DIS3L2: variants seen among roughly 807,000 people sequenced by gnomAD.
The protein encoded by DIS3L2 is DIS3 like 3'-5' exoribonuclease 2, also known as DIS3-like exonuclease 2.
In DIS3L2, 34 loss-of-function variants were observed where a neutral mutation model predicts 97.5. The observed-to-expected ratio is 0.35, with a 90% CI of 0.27 to 0.46. The LOEUF (loss-of-function observed/expected upper bound fraction) is 0.46. Among genes scored for constraint, DIS3L2 ranks in the 20% least tolerant of loss-of-function variants. The pLI is 1.00. For synonymous variants in DIS3L2, 435 were observed against 445.2 expected, an observed-to-expected ratio of 0.98 and a Z score of 0.29; for missense variants, 1,038 against 1,146.0, an observed-to-expected ratio of 0.91 and a Z score of 1.36.
At chr2:232,026,998 A>G (rs1694677512) in intron 4 of DIS3L2, among the ~76,000 whole-genome samples, 1 of 152,194 alleles carries the variant, frequency 6.6e-6, no homozygotes, top group Non-Finnish European at 1.5e-5. Context: ...AGAATAGATC[A>G]TAAGAGCTAC....
chr2:231,968,161 G>T lies in DIS3L2; in HGVS notation c.-94+6396G>T, dbSNP rs192358404. On this transcript the variant is annotated intron_variant, in intron 1 of 20. Coordinates refer to ENST00000325385, the MANE Select transcript of DIS3L2 (RefSeq NM_152383.5). ...CACCCAGGCTGGAGTGCAGTGGCAT[G>T]ATCTTGGCTCACTGCAAGCTTCGCC... is the stretch of plus-strand genomic sequence containing the variant. Among the ~76,000 whole-genome samples the T allele has an allele frequency of 6.0e-4, 90 of 149,090 alleles. 1 individual carries two copies. The highest frequency in any genetic ancestry group is 2.1e-3 in the African/African-American group (86 of 40,324).
At chr2:232,233,882 A>G (rs1044235265) in intron 10 of DIS3L2, among the ~76,000 whole-genome samples, 9 of 152,250 alleles carry the variant, frequency 5.9e-5, no homozygotes, top group South Asian at 2.1e-4. Flanking sequence ...TGGTTGTTCT[A>G]TAATCAGGCC....
chr2:232,270,010 G>C (rs1175497030), intron 13 of DIS3L2, among the ~76,000 whole-genome samples: 1 of 152,156 alleles, frequency 6.6e-6, no homozygotes, highest in Non-Finnish European at 1.5e-5. Flanking sequence ...AAATCGACAA[G>C]CCTGTAGCAA....
At chr2:232,251,794 A>T (rs1574972800) in intron 12 of DIS3L2, among the ~76,000 whole-genome samples, 1 of 152,358 alleles carries the variant, frequency 6.6e-6, no homozygotes, top group East Asian at 1.9e-4. Context: ...AAGAACTGTG[A>T]TCTCCATGCC....
chr2:232,222,214 A>T (rs1476587007), intron 10 of DIS3L2, among the ~76,000 whole-genome samples: 13 of 152,172 alleles, frequency 8.5e-5, no homozygotes, highest in African/African-American at 2.4e-5. Context: ...AAGTGCTGGG[A>T]TTACAGGCGT....
chr2:232,079,904 G>A (rs979087792), intron 5 of DIS3L2, among the ~76,000 whole-genome samples: 5 of 152,184 alleles, frequency 3.3e-5, no homozygotes, highest in African/African-American at 1.2e-4. Flanking sequence ...AGAAACTGTA[G>A]AACATGAGGA....
chr2:232,123,199 C>G (rs1697960899), intron 6 of DIS3L2, among the ~76,000 whole-genome samples: 1 of 152,088 alleles, frequency 6.6e-6, no homozygotes, highest in Non-Finnish European at 1.5e-5. Context: ...TTCTGATGCC[C>G]CTCTACTAAC....
At position 232,045,702 on chromosome 2, in the gene DIS3L2, T is replaced by C. The variant is rs1206846025; in HGVS notation, c.366+15622T>C. On this transcript the variant is annotated intron_variant, in intron 5 of 20. Transcript: ENST00000325385. Reference sequence around the variant, plus strand: ...TTTTTTTTTTTTTTTTGAGATAGAGTCTCGCTCTGTTGCCCAGGCTGGAGT... The same window carrying C: ...TTTTTTTTTTTTTTTTGAGATAGAGCCTCGCTCTGTTGCCCAGGCTGGAGT... Among the ~76,000 whole-genome samples, 8 of 125,634 alleles carry C rather than the reference T, an allele frequency of 6.4e-5. No individual in the cohort carries two copies. In the Admixed American group the frequency reaches 7.1e-4, roughly 11 times the overall value. The allele number at this position is 125,634 out of a possible 152,430, so 82.4% of individuals were successfully genotyped here. A position where few individuals can be genotyped will look rare whatever the true frequency, so the allele number is the denominator to read the frequency against.
intron 13 of DIS3L2, among the ~76,000 whole-genome samples, chr2:232,298,837 G>T (rs1694785818): frequency 1.3e-5 from 2 of 152,230 alleles, no homozygotes; most frequent in Non-Finnish European, 2.9e-5. Context: ...CTCTAGCAGG[G>T]CATGCTGCAC....
chr2:231,981,598 T>TTATTTATATA (rs1553596977), intron 1 of DIS3L2, among the ~76,000 whole-genome samples: 1 of 84,056 alleles, frequency 1.2e-5, no homozygotes, highest in East Asian at 4.7e-4. Flanking sequence ...GTTAAGTATT[T>TTATTTATATA]TATATATATA....
At chr2:232,225,132 ATACTGC>A (rs1459275373) in intron 10 of DIS3L2, among the ~76,000 whole-genome samples, 2 of 152,210 alleles carry the variant, frequency 1.3e-5, no homozygotes, top group Non-Finnish European at 2.9e-5. Context: ...CAACTCTCAT[ATACTGC>A]TAGTAGGAGT....
rs114804860 is a variant in DIS3L2 at position 232,029,964 on chromosome 2, C to A, written c.265-15C>A. 2.0e-3 allele frequency: 3,212 copies of A among 1,569,062 alleles called. 46 individuals are homozygous for A. In the African/African-American group the frequency reaches 0.036, roughly 17 times the overall value. ...TTTTAAGCTCACTATTGTTTTATTT[C>A]TTTTTCCAACCTAGGATGGTGATCG... On this transcript the variant is annotated splice_polypyrimidine_tract_variant and intron_variant, in intron 4 of 20. Transcript: ENST00000325385.
At chr2:232,123,409 A>G (rs375950940) in intron 6 of DIS3L2, among the ~76,000 whole-genome samples, 1 of 152,246 alleles carries the variant, frequency 6.6e-6, no homozygotes, top group Non-Finnish European at 1.5e-5. Context: ...TTAATGAGAT[A>G]GTACCTTATC....
intron 1 of DIS3L2, among the ~76,000 whole-genome samples, chr2:231,975,851 T>C (rs945754001): frequency 6.6e-6 from 1 of 152,120 alleles, no homozygotes; most frequent in African/African-American, 2.4e-5. Context: ...GTAATGCTTT[T>C]CTGGAATACA....
intron 10 of DIS3L2, among the ~76,000 whole-genome samples, chr2:232,220,940 T>TA (rs1692487065): frequency 6.6e-6 from 1 of 151,058 alleles, no homozygotes; most frequent in African/African-American, 2.4e-5. Context: ...CCGTCTCTAC[T>TA]AAAAAATACA....
At chr2:232,072,266 GA>G (rs976884538) in intron 5 of DIS3L2, among the ~76,000 whole-genome samples, 67 of 151,628 alleles carry the variant, frequency 4.4e-4, no homozygotes, top group African/African-American at 1.5e-3. Context: ...GTGCTGAAGA[GA>G]AAAAAAATAA....
At chr2:232,296,290 G>T (rs1322331536) in intron 13 of DIS3L2, among the ~76,000 whole-genome samples, 1 of 152,192 alleles carries the variant, frequency 6.6e-6, no homozygotes, top group Non-Finnish European at 1.5e-5. Context: ...AAAGGAGCAT[G>T]GATTTTGGTT....
intron 14 of DIS3L2, among the ~76,000 whole-genome samples, chr2:232,310,674 C>A (rs1695101163): frequency 6.6e-6 from 1 of 152,250 alleles, no homozygotes; most frequent in Admixed American, 6.5e-5. Context: ...CTGATAGGTG[C>A]CCTGTGCAAG....
chr2:232,239,693 C>T (rs1020629087), intron 11 of DIS3L2, among the ~76,000 whole-genome samples: 1 of 152,194 alleles, frequency 6.6e-6, no homozygotes, highest in Non-Finnish European at 1.5e-5. Context: ...CCCTAGAATG[C>T]AGCACCACAG....
Sources: allele counts gnomAD v4.1 joint callset (sites outside exome capture counted in the v4.1 genomes callset), GRCh38; gene constraint gnomAD v4.1.1; transcripts MANE v1.5; gene names NCBI Gene and HGNC (gene_info 2026-07-23, HGNC 2026-07-21).